The following LAMA2 variants were observed in gnomAD, a reference collection of about 807,000 sequenced individuals.
LAMA2 encodes the protein laminin subunit alpha-2.
A neutral mutation model predicts 364.8 loss-of-function variants in LAMA2; 269 were observed. The ratio of observed to expected loss-of-function variants is 0.74; its 90% CI spans 0.67 to 0.82. The LOEUF (loss-of-function observed/expected upper bound fraction) is 0.82. LAMA2 is among the 40% of genes least tolerant of loss of function. The pLI, the probability that LAMA2 is intolerant of heterozygous loss-of-function variation, is 0.00. For synonymous variants in LAMA2, 1,379 were observed against 1,370.6 expected (o/e 1.01, Z -0.14); for missense variants, 3,807 against 3,873.2 (o/e 0.98, Z 0.45).
intron 32 of LAMA2, among the ~76,000 whole-genome samples, chr6:129,362,806 G>T (rs1777542474): frequency 6.6e-6 from 1 of 152,068 alleles, no homozygotes; most frequent in African/African-American, 2.4e-5. Flanking sequence ...GAATCATCAG[G>T]GACTTGCTCT....
In LAMA2 at chr6:129,141,090, C is replaced by G. The variant is rs115229304; in HGVS notation, c.640-2811C>G. ...AATGTTCAGAAACTATAATCCTAGA[C>G]ATGTAGCGATTTCCTCCTTTCTTTC... On this transcript the variant is annotated intron_variant, in intron 4 of 64. Transcript: ENST00000421865. 8.8e-3 allele frequency among the ~76,000 whole-genome samples: 1,345 copies of G among 152,112 alleles called. 16 individuals are homozygous for G. The highest frequency in any genetic ancestry group is 0.031 in the African/African-American group (1,274 of 41,512).
intron 8 of LAMA2, among the ~76,000 whole-genome samples, chr6:129,160,639 T>C (rs1221962654): frequency 1.3e-5 from 2 of 151,954 alleles, no homozygotes; most frequent in Non-Finnish European, 2.9e-5. Context: ...TTTCTACCTA[T>C]CAATTTGGAA....
Position 129,252,207 on chromosome 6 carries a change from C to G in LAMA2, c.2008C>G (p.Arg670Gly). 1 of 1,613,742 alleles carries G rather than the reference C, an allele frequency of 6.2e-7. No individual in the cohort carries two copies. Among genetic ancestry groups the G allele is most frequent in the South Asian group, 1.1e-5 (1 of 91,070 alleles). Residue 670 changes from arginine to glycine, a missense_variant, in exon 14 of 65, where the codon CGT (arginine) becomes GGT (glycine). Arg to Gly is a moderately radical substitution (Grantham distance 125). This residue lies in a region of LAMA2 where 3,333 missense variants were observed against 3,345.7 expected (regional missense o/e 1.00). Coordinates refer to ENST00000421865, the MANE Select transcript of LAMA2 (RefSeq NM_000426.4). ...CATACATGGCACACATTTTCCAGTC[C>G]GTAGAAAGGAATTTATGACAGTGCT... ...FTIHGTHFPV[R>G]RKEFMTVLAN...
At chr6:129,124,113 CT>C (rs1203318192) in intron 4 of LAMA2, among the ~76,000 whole-genome samples, 1 of 152,108 alleles carries the variant, frequency 6.6e-6, no homozygotes, top group African/African-American at 2.4e-5. Flanking sequence ...ATTATTACAA[CT>C]GAAAGCCTTC....
At chr6:129,237,326 T>C (rs1223804317) in intron 12 of LAMA2, among the ~76,000 whole-genome samples, 1 of 99,978 alleles carries the variant, frequency 1.0e-5, no homozygotes, top group Admixed American at 1.2e-4. Flanking sequence ...TTATACATTG[T>C]TTTTCTGTTG....
At chr6:128,908,402 GAT>G (rs1457199076) in intron 1 of LAMA2, among the ~76,000 whole-genome samples, 51 of 150,042 alleles carry the variant, frequency 3.4e-4, no homozygotes, top group African/African-American at 1.2e-3. Flanking sequence ...ATTTCTTCTA[GAT>G]TTTCTAGTTT....
intron 50 of LAMA2, 51 bp downstream of exon 50, chr6:129,464,503 C>T (rs781250259): frequency 1.4e-6 from 2 of 1,410,614 alleles, no homozygotes; most frequent in Non-Finnish European, 1.0e-6. Flanking sequence ...GCGTTTGCTT[C>T]TTTTATCAGT....
At chr6:128,951,657 G>T (rs1456350947) in intron 1 of LAMA2, among the ~76,000 whole-genome samples, 2 of 152,080 alleles carry the variant, frequency 1.3e-5, no homozygotes, top group African/African-American at 4.8e-5. Context: ...ACTGATATTT[G>T]CAGTCTAGTG....
intron 1 of LAMA2, among the ~76,000 whole-genome samples, chr6:128,946,330 A>G (rs1780483690): frequency 6.6e-6 from 1 of 152,172 alleles, no homozygotes; most frequent in African/African-American, 2.4e-5. Context: ...CAGAACACTC[A>G]CATTAGCCCA....
chr6:128,995,674 T>A (rs1025926496), intron 1 of LAMA2, among the ~76,000 whole-genome samples: 3 of 152,180 alleles, frequency 2.0e-5, no homozygotes, highest in Non-Finnish European at 4.4e-5. Flanking sequence ...CTCTGTTGTA[T>A]TGCCCAGTGT....
intron 18 of LAMA2, among the ~76,000 whole-genome samples, chr6:129,285,676 A>C (rs1320220783): frequency 6.6e-6 from 1 of 152,118 alleles, no homozygotes; most frequent in Admixed American, 6.6e-5. Context: ...ATATATGTGG[A>C]TGTGATCATA....
intron 4 of LAMA2, among the ~76,000 whole-genome samples, chr6:129,129,910 C>T (rs1777358730): frequency 8.1e-6 from 1 of 123,276 alleles, no homozygotes; most frequent in African/African-American, 3.2e-5. Context: ...GGCGACAGAG[C>T]GAGATTCCGT....
At chr6:129,275,955 T>A (rs532588521) in intron 17 of LAMA2, among the ~76,000 whole-genome samples, 1 of 152,178 alleles carries the variant, frequency 6.6e-6, no homozygotes, top group Admixed American at 6.6e-5. Context: ...TAAATCAGAT[T>A]TCATAGTACT....
chr6:129,192,555 A>T, intron 11 of LAMA2, 125 bp from the exon 12 acceptor site: 2 of 809,734 alleles, frequency 2.5e-6, no homozygotes, highest in African/African-American at 1.7e-5. Flanking sequence ...TTTTTTTCTA[A>T]ATGTTTGTGG....
chr6:129,392,903 A>G (rs902634665), intron 36 of LAMA2, 142 bp from the exon 37 acceptor site: 1 of 648,362 alleles, frequency 1.5e-6, no homozygotes, highest in Non-Finnish European at 2.6e-6. Flanking sequence ...TTGATTTAGC[A>G]CACAGTGAAT....
Position 128,995,524 on chromosome 6 carries a change from G to T in LAMA2, c.113-54394G>T, listed in dbSNP as rs537264549. On this transcript the variant is annotated intron_variant, in intron 1 of 64. Transcript: ENST00000421865. ...TTTTTAGTAGAGACAGGGTTTCGCC[G>T]TGTTGGCCGGGCTGGTCTTGAACTC... Among the ~76,000 whole-genome samples the T allele has an allele frequency of 1.1e-3, 161 of 152,130 alleles. 1 individual carries two copies. The highest frequency in any genetic ancestry group is 1.9e-3 in the Non-Finnish European group (127 of 67,966).
intron 18 of LAMA2, among the ~76,000 whole-genome samples, chr6:129,281,959 G>C (rs1301792715): frequency 6.6e-6 from 1 of 152,130 alleles, no homozygotes; most frequent in Non-Finnish European, 1.5e-5. Flanking sequence ...TTTTGTTTGA[G>C]ATGTGCCTGT....
At chr6:129,165,191 T>G (rs977071034) in intron 8 of LAMA2, among the ~76,000 whole-genome samples, 42 of 152,146 alleles carry the variant, frequency 2.8e-4, no homozygotes, top group Non-Finnish European at 5.4e-4. Flanking sequence ...ATTTAGTTTT[T>G]TTTTTTTTTC....
At chr6:129,004,751 C>A (rs187688910) in intron 1 of LAMA2, among the ~76,000 whole-genome samples, 1 of 152,092 alleles carries the variant, frequency 6.6e-6, no homozygotes, top group African/African-American at 2.4e-5. Flanking sequence ...TATGTTACAG[C>A]TTGCACTTGT....
Sources: allele counts gnomAD v4.1 joint callset (sites outside exome capture counted in the v4.1 genomes callset), GRCh38; gene constraint gnomAD v4.1.1; regional missense constraint gnomAD v4.1.1; transcripts MANE v1.5; gene names NCBI Gene and HGNC (gene_info 2026-07-23, HGNC 2026-07-21).